SOX5: variants seen among roughly 807,000 people sequenced by gnomAD.
The protein encoded by SOX5 is transcription factor SOX-5.
Under a neutral mutation model 92.0 loss-of-function variants are expected in SOX5, and 9 were observed. The observed-to-expected ratio is 0.10, with a 90% CI of 0.06 to 0.17. SOX5 has a LOEUF of 0.17. Ranked by LOEUF, SOX5 falls within the 10% of genes least tolerant of loss-of-function variation. The pLI, the probability that SOX5 is intolerant of heterozygous loss-of-function variation, is 1.00. For missense variants in SOX5, 642 were observed against 944.5 expected (o/e 0.68, Z 4.20); for synonymous variants, 344 against 336.3 (o/e 1.02, Z -0.25).
At chr12:23,540,944 A>T (rs1220068003) in intron 13 of SOX5, among the ~76,000 whole-genome samples, 3 of 152,182 alleles carry the variant, frequency 2.0e-5, no homozygotes, top group Admixed American at 2.0e-4. Flanking sequence ...ATTTAGAATG[A>T]TCTTGTGGAT....
chr12:24,224,788 G>T (rs1335900294), intron 3 of SOX5, among the ~76,000 whole-genome samples: 1 of 152,234 alleles, frequency 6.6e-6, no homozygotes, highest in Admixed American at 6.5e-5. Context: ...CTATGTCACT[G>T]CATGAGCACT....
chr12:23,598,221 C>A (rs1051575640), intron 9 of SOX5, among the ~76,000 whole-genome samples: 3 of 151,968 alleles, frequency 2.0e-5, no homozygotes, highest in Non-Finnish European at 4.4e-5. Flanking sequence ...AACTACCACT[C>A]AAAATTTCAC....
Position 24,393,952 on chromosome 12 carries a change from GT to G in SOX5, c.-250-25314del, listed in dbSNP as rs1347067447. Among the ~76,000 whole-genome samples the G allele has an allele frequency of 9.2e-5, 14 of 152,254 alleles. No homozygotes were observed. Among genetic ancestry groups the G allele is most frequent in the Admixed American group, 6.5e-4 (10 of 15,294 alleles). ...GCAAAATATTCTTAAAATACCCTGC[GT>G]GGGGAAAAATAAAACCGTGAGTGGC... On this transcript the variant is annotated intron_variant, in intron 1 of 4. Transcript: ENST00000446891. This position sits in a 1 kb window ranked among gnomAD's most constrained non-coding sequence, Gnocchi z 5.0.
intron 6 of SOX5, among the ~76,000 whole-genome samples, chr12:23,722,386 A>AG (rs769411409): frequency 7.9e-5 from 12 of 152,200 alleles, no homozygotes; most frequent in Non-Finnish European, 1.8e-4. Flanking sequence ...ATTCTCCCTC[A>AG]GGGTAAAAAT....
intron 1 of SOX5, among the ~76,000 whole-genome samples, chr12:24,559,391 A>G (rs1353026144): frequency 1.3e-5 from 2 of 152,218 alleles, no homozygotes; most frequent in African/African-American, 4.8e-5. Context: ...ATTCAACATT[A>G]GAACTCTCCG....
intron 2 of SOX5, among the ~76,000 whole-genome samples, chr12:24,305,896 C>T (rs79155583): frequency 0.11 from 17,198 of 151,906 alleles, 1,179 homozygotes; most frequent in Middle Eastern, 0.16. Context: ...CGCGCCCAGC[C>T]GATGAAAGAT....
intron 4 of SOX5, among the ~76,000 whole-genome samples, chr12:24,176,750 C>T (rs746604183): frequency 3.9e-5 from 6 of 152,156 alleles, no homozygotes; most frequent in Non-Finnish European, 7.3e-5. Flanking sequence ...GATGTGGTGG[C>T]GAAGTGGAAG....
intron 1 of SOX5, among the ~76,000 whole-genome samples, chr12:23,937,799 C>G (rs1942906721): frequency 6.6e-6 from 1 of 150,832 alleles, no homozygotes; most frequent in African/African-American, 2.4e-5. Flanking sequence ...CATTATTTAG[C>G]TGAAGAAAAT....
chr12:23,645,750 ATCTTTCCTTTGGATATGCATAT>A (rs772643104), intron 7 of SOX5, among the ~76,000 whole-genome samples: 60 of 143,862 alleles, frequency 4.2e-4, no homozygotes, highest in Non-Finnish European at 6.6e-4. Flanking sequence ...GAAATTAACT[ATCTTTCCTTTGGATATGCATAT>A]ATATGTAAAT....
chr12:24,059,574 T>G lies in SOX5; in HGVS notation c.-2+153769A>C, dbSNP rs575790871. On this transcript the variant is annotated intron_variant, in intron 4 of 4. Transcript: ENST00000446891. Reference sequence around the variant, plus strand: ...TCCCTGCAACAAGCCCAGGAAGGACTCTTCTCAGCAGGTGTGTGTGTGTGA... The same window carrying G: ...TCCCTGCAACAAGCCCAGGAAGGACGCTTCTCAGCAGGTGTGTGTGTGTGA... Among the ~76,000 whole-genome samples, 3 of 152,252 alleles carry G rather than the reference T, an allele frequency of 2.0e-5. No homozygotes were observed. In the South Asian group the frequency reaches 6.2e-4, roughly 32 times the overall value.
intron 3 of SOX5, among the ~76,000 whole-genome samples, chr12:23,835,952 G>A (rs1401866143): frequency 6.6e-6 from 1 of 151,762 alleles, no homozygotes; most frequent in South Asian, 2.1e-4. Context: ...AACTGGAATG[G>A]CTATACACAG....
intron 2 of SOX5, among the ~76,000 whole-genome samples, chr12:23,872,445 C>G (rs2096885261): frequency 6.6e-6 from 1 of 152,062 alleles, no homozygotes; most frequent in Non-Finnish European, 1.5e-5. Context: ...CAGACTGCTT[C>G]CCATTTCCCA....
chr12:23,858,967 T>C (rs1163736007), intron 2 of SOX5, among the ~76,000 whole-genome samples: 1 of 152,210 alleles, frequency 6.6e-6, no homozygotes, highest in African/African-American at 2.4e-5. Context: ...TCAATACTCT[T>C]ATAATTTCCT....
At chr12:24,123,158 CA>C (rs926379135) in intron 4 of SOX5, among the ~76,000 whole-genome samples, 4 of 152,228 alleles carry the variant, frequency 2.6e-5, no homozygotes, top group African/African-American at 9.6e-5. Context: ...GGAACTTCCT[CA>C]GTGCCCATTT....
In SOX5 at chr12:23,995,343, A is replaced by G. The variant is rs143213822; in HGVS notation, c.-1-99319T>C. Reference sequence around the variant, plus strand: ...GTAAACAAATTAATAAAAAGATAACATTTCATAAATAATTTGCAAAGCAGC... The same window carrying G: ...GTAAACAAATTAATAAAAAGATAACGTTTCATAAATAATTTGCAAAGCAGC... On this transcript the variant is annotated intron_variant, in intron 4 of 4. Coordinates refer to the SOX5 transcript ENST00000446891. 3.1e-4 allele frequency among the ~76,000 whole-genome samples: 47 copies of G among 152,334 alleles called. No homozygotes were observed. The East Asian group carries it at 8.5e-3, about 28-fold the overall frequency.
chr12:23,737,363 A>AC (rs1221970884), intron 5 of SOX5, among the ~76,000 whole-genome samples: 1 of 151,694 alleles, frequency 6.6e-6, no homozygotes, highest in Non-Finnish European at 1.5e-5. Flanking sequence ...ACATAGTGAA[A>AC]CCCCGTCTCT....
At chr12:23,640,129 G>A (rs1414118544) in intron 8 of SOX5, among the ~76,000 whole-genome samples, 1 of 152,190 alleles carries the variant, frequency 6.6e-6, no homozygotes, top group Non-Finnish European at 1.5e-5. Context: ...ATTCAAAAAT[G>A]TCAACAGTTA....
chr12:23,756,163 C>T (rs948832039), intron 3 of SOX5, among the ~76,000 whole-genome samples: 5 of 151,464 alleles, frequency 3.3e-5, no homozygotes, highest in African/African-American at 1.2e-4. Context: ...CAATTACATC[C>T]ACTTTATAAT....
intron 4 of SOX5, among the ~76,000 whole-genome samples, chr12:24,000,003 T>C (rs1283478427): frequency 1.3e-5 from 2 of 151,818 alleles, no homozygotes; most frequent in African/African-American, 4.8e-5. Flanking sequence ...TTAAAGGGTT[T>C]ATAAAAGATA....
Sources: gnomAD v4.1 joint callset for allele counts (sites outside exome capture counted in the v4.1 genomes callset) on GRCh38, gnomAD v4.1.1 for gene constraint, Gnocchi (gnomAD v3.1) non-coding constraint, MANE v1.5 for transcripts, NCBI Gene and HGNC (gene_info 2026-07-23, HGNC 2026-07-21) for gene names.